NCKIPSD: variants seen among roughly 807,000 people sequenced by gnomAD.
The protein encoded by NCKIPSD is NCK interacting protein with SH3 domain, also known as NCK-interacting protein with SH3 domain.
Under a neutral mutation model 73.4 loss-of-function variants are expected in NCKIPSD, and 48 were observed. That is an observed-to-expected ratio of 0.65 (90% CI 0.52 to 0.83). NCKIPSD has a LOEUF of 0.83. Ranked by LOEUF, NCKIPSD falls within the 40% of genes least tolerant of loss-of-function variation. The probability of loss-of-function intolerance (pLI) is 0.00; values close to 1 mark genes in which losing one functional copy is unlikely to be tolerated. For synonymous variants in NCKIPSD, 422 were observed against 403.6 expected (o/e 1.05, Z -0.54); for missense variants, 884 against 970.2 (o/e 0.91, Z 1.18).
intron 12 of NCKIPSD, among the ~76,000 whole-genome samples, chr3:48,676,783 G>GCACC (rs1017060727): frequency 6.6e-6 from 1 of 151,688 alleles, no homozygotes; most frequent in African/African-American, 2.4e-5. Context: ...GTGAGCCACT[G>GCACC]CACCTGGCCA....
At chr3:48,684,033 A>G (rs923494779) in intron 1 of NCKIPSD, among the ~76,000 whole-genome samples, 18 of 142,488 alleles carry the variant, frequency 1.3e-4, no homozygotes, top group African/African-American at 3.6e-4. Flanking sequence ...GAGAGAGAGA[A>G]AGAAAGGAAT....
intron 1 of NCKIPSD, among the ~76,000 whole-genome samples, chr3:48,683,879 G>A (rs2077392772): frequency 6.6e-6 from 1 of 152,144 alleles, no homozygotes; most frequent in African/African-American, 2.4e-5. Flanking sequence ...CTTCCCTGAT[G>A]GGCACAGACA....
At chr3:48,684,128 G>T (rs773399204) in intron 1 of NCKIPSD, among the ~76,000 whole-genome samples, 1 of 152,156 alleles carries the variant, frequency 6.6e-6, no homozygotes, top group Non-Finnish European at 1.5e-5. Context: ...GCCAGAGTGT[G>T]GGGGGAGCCG....
At position 48,679,897 on chromosome 3, in the gene NCKIPSD, T is replaced by C. The variant is rs1227401005; in HGVS notation, c.1264-10A>G. 2 of 1,614,048 alleles carry C rather than the reference T, an allele frequency of 1.2e-6. No individual in the cohort carries two copies. Among genetic ancestry groups the C allele is most frequent in the South Asian group, 1.1e-5 (1 of 91,084 alleles). On this transcript the variant is annotated splice_polypyrimidine_tract_variant and intron_variant, in intron 6 of 12. Transcript: ENST00000294129. ...CAGGGTCTGCATCAGTCTACAGAAATGAGGAAGTGAGAGCATCAGCCACCA... is the reference window on the plus strand; with the variant it reads ...CAGGGTCTGCATCAGTCTACAGAAACGAGGAAGTGAGAGCATCAGCCACCA...
chr3:48,674,600 T>G lies in NCKIPSD; in HGVS notation c.2113A>C (p.Met705Leu). 1.2e-6 allele frequency: 2 copies of G among 1,610,628 alleles called. No individual in the cohort carries two copies. The highest frequency in any genetic ancestry group is 3.3e-4 in the Middle Eastern group (2 of 6,056). The change falls in exon 13 of 13, where the codon ATG becomes CTG. Residue 705 changes from methionine (M) to leucine (L), a missense_variant. Met to Leu is a conservative substitution (Grantham distance 15, BLOSUM62 2). Coordinates refer to ENST00000294129, the MANE Select transcript of NCKIPSD (RefSeq NM_016453.4). ...ETSPQCQMDR[M>L]IVREMCKEFL... is the part of the protein sequence containing the mutation. ...TCCTTGCACATCTCTCGGACAATCA[T>G]GCGGTCCATCTGGCACTGGGGTGAG...
chr3:48,680,948 C>T (rs1362934512), intron 5 of NCKIPSD, among the ~76,000 whole-genome samples: 1 of 152,174 alleles, frequency 6.6e-6, no homozygotes, highest in Admixed American at 6.5e-5. Flanking sequence ...CTCTTGGCCA[C>T]CCGCATGTCG....
Position 48,674,473 on chromosome 3 carries a change from ATTC to A in NCKIPSD, c.*68_*70del. The A allele has an allele frequency of 3.9e-6, 6 of 1,523,108 alleles. No homozygotes were observed. Among genetic ancestry groups the A allele is most frequent in the Non-Finnish European group, 5.3e-6 (6 of 1,133,266 alleles). The allele number at this position is 1,523,108 out of a possible 1,614,324, so 94.3% of individuals were successfully genotyped here. A position where few individuals can be genotyped will look rare whatever the true frequency, so the allele number is the denominator to read the frequency against. On this transcript the variant is annotated 3_prime_UTR_variant, in exon 13 of 13. Transcript: ENST00000294129. ...TCCCCTCCCACTGTCAGTGCAAAAC[ATTC>A]TTAGGGCCAAGCCCCTGAGTCCCCT...
At position 48,679,380 on chromosome 3, in the gene NCKIPSD, A is replaced by C. The variant is rs1228946297; in HGVS notation, c.1567T>G (p.Tyr523Asp). ...SMGEAVPYAH[Y>D]EHLGTPFAQF... ...TGGTCGGTTACTGCATTCTTACCAT[A>C]GTGTGCATAGGGCACTGCCTCTCCC... is the stretch of plus-strand genomic sequence containing the variant. The change falls in exon 9 of 13, where the codon TAT becomes GAT. Residue 523 changes from tyrosine to aspartate, a missense_variant. Tyr to Asp is a radical substitution (Grantham distance 160). Coordinates refer to ENST00000294129, the MANE Select transcript of NCKIPSD (RefSeq NM_016453.4). 2 of 1,613,904 alleles carry C rather than the reference A, an allele frequency of 1.2e-6. No individual in the cohort carries two copies. The highest frequency in any genetic ancestry group is 1.7e-5 in the Admixed American group (1 of 59,992).
chr3:48,680,650 CCCCAACA>C (rs1287656428), intron 5 of NCKIPSD, among the ~76,000 whole-genome samples: 1 of 152,136 alleles, frequency 6.6e-6, no homozygotes, highest in East Asian at 1.9e-4. Context: ...TTGGCCCACT[CCCCAACA>C]CCCAAACCAG....
chr3:48,682,801 A>C, intron 2 of NCKIPSD, 102 bp downstream of exon 2: 1 of 1,467,866 alleles, frequency 6.8e-7, no homozygotes, highest in Non-Finnish European at 9.2e-7. Flanking sequence ...ACCCTTGCCA[A>C]CCCTCGCATT....
intron 12 of NCKIPSD, 74 bp downstream of exon 12, chr3:48,678,490 C>CA: frequency 6.7e-7 from 1 of 1,496,160 alleles, no homozygotes; most frequent in Non-Finnish European, 8.9e-7. Flanking sequence ...CATCTCCACT[C>CA]AATGTCATGC....
At chr3:48,681,865 C>T in intron 4 of NCKIPSD, 85 bp from the exon 5 acceptor site, 1 of 1,460,590 alleles carries the variant, frequency 6.8e-7, no homozygotes, top group Non-Finnish European at 9.0e-7. Context: ...TCCCCTAACA[C>T]AGGGCCTAGT....
Position 48,679,580 on chromosome 3 carries a change from G to C in NCKIPSD, c.1484C>G (p.Thr495Arg). 6.2e-7 allele frequency: 1 copy of C among 1,614,092 alleles called. No individual in the cohort carries two copies. The highest frequency in any genetic ancestry group is 1.1e-5 in the South Asian group (1 of 91,084). Residue 495 changes from threonine (T) to arginine (R), a missense_variant, in exon 8 of 13, where the codon ACG becomes AGG. Transcript: ENST00000294129. The stretch of plus-strand genomic sequence containing the variant: ...ACCCCGCCCTCCAGCCTCACCCTGC[G>C]TGTCTGTCTGCATGTCCCTCGCCAG... ...VELARDMQTD[T>R]QDHQKLCYSA...
Position 48,681,690 on chromosome 3 carries a change from G to A in NCKIPSD, c.689C>T (p.Ser230Phe), listed in dbSNP as rs750284864. 9 of 1,593,716 alleles carry A rather than the reference G, an allele frequency of 5.6e-6. No individual in the cohort carries two copies. In the South Asian group the frequency reaches 1.0e-4, roughly 18 times the overall value. Reference protein sequence around the residue: ...STSLDTLYTSSSPSEPGSSCS... With the variant: ...STSLDTLYTSFSPSEPGSSCS... ...GCTGGAGCCTGGTTCAGATGGGCTG[G>A]AGCTGGTATAGAGCGTGTCCAGGGA... The change falls in exon 5 of 13, where the codon TCC (serine) becomes TTC (phenylalanine). Residue 230 changes from serine to phenylalanine, a missense_variant. Physicochemically the swap from Ser to Phe is radical, Grantham distance 155. Transcript: ENST00000294129.
chr3:48,680,303 G>T, intron 5 of NCKIPSD, 74 bp from the exon 6 acceptor site: 1 of 1,463,990 alleles, frequency 6.8e-7, no homozygotes, highest in Non-Finnish European at 9.1e-7. Flanking sequence ...CCAAGGCCTG[G>T]AGAGTCCATC....
rs1167654958 is a variant in NCKIPSD, at chr3:48,681,283, T to G, written c.1092+4A>C. The G allele has an allele frequency of 1.3e-6, 2 of 1,591,496 alleles. No homozygotes were observed. The highest frequency in any genetic ancestry group is 1.7e-6 in the Non-Finnish European group (2 of 1,171,510). Reference sequence around the variant, plus strand: ...GGTGGCCCTGCTGTGCCGCCCACCCTCACCTTGCCCTCTACGAGTGAGAGG... The same window carrying G: ...GGTGGCCCTGCTGTGCCGCCCACCCGCACCTTGCCCTCTACGAGTGAGAGG... On this transcript the variant is annotated splice_donor_region_variant and intron_variant, in intron 5 of 12. Transcript: ENST00000294129.
chr3:48,674,154 C>T lies in NCKIPSD; in HGVS notation c.*390G>A, dbSNP rs2077215765. ...AGAATAGAGCTGGTGGGAGATGCCT[C>T]CCCTCACCCCAGGGGCATGGCTTGC... On this transcript the variant is annotated 3_prime_UTR_variant, in exon 13 of 13. Coordinates refer to ENST00000294129, the MANE Select transcript of NCKIPSD (RefSeq NM_016453.4). 4.3e-6 allele frequency: 5 copies of T among 1,150,850 alleles called. No homozygotes were observed. Among genetic ancestry groups the T allele is most frequent in the South Asian group, 3.1e-5 (1 of 31,992 alleles). The allele number at this position is 1,150,850 out of a possible 1,614,324, so 71.3% of individuals were successfully genotyped here.
In NCKIPSD at chr3:48,685,878, G is replaced by A. The variant is rs557777424; in HGVS notation, c.-71C>T. 1,624 of 1,310,248 alleles carry A rather than the reference G, an allele frequency of 1.2e-3. 22 individuals are homozygous for A. The African/African-American group carries it at 0.023, about 18-fold the overall frequency. 81.2% of individuals were successfully genotyped at this position (1,310,248 alleles called of 1,614,324 possible). ...GCCACAACGCCAGGCCGGGAGCGCC[G>A]AGCCGCGCCGCGGTTGTCCCGCCCC... On this transcript the variant is annotated 5_prime_UTR_variant, in exon 1 of 13. Coordinates refer to ENST00000294129, the MANE Select transcript of NCKIPSD (RefSeq NM_016453.4).
Position 48,678,881 on chromosome 3 carries a change from T to C in NCKIPSD, c.1788A>G (p.Arg596=). 1 of 1,613,726 alleles carries C rather than the reference T, an allele frequency of 6.2e-7. No homozygotes were observed. The highest frequency in any genetic ancestry group is 8.5e-7 in the Non-Finnish European group (1 of 1,179,962). ...FSEKLLLLLN[R]GDDPVRIFKH... ...CGCAGATTCCCGGGCCCTCACCCCC[T>C]CTGTTCAGGAGCAACAACAGCTTCT... The change falls in exon 11 of 13, where the codon AGA becomes AGG. Residue 596 remains arginine (R), a synonymous_variant. Coordinates refer to ENST00000294129, the MANE Select transcript of NCKIPSD (RefSeq NM_016453.4).
Sources: gnomAD v4.1 joint callset for allele counts (sites outside exome capture counted in the v4.1 genomes callset) on GRCh38, gnomAD v4.1.1 for gene constraint, MANE v1.5 for transcripts, NCBI Gene and HGNC (gene_info 2026-07-23, HGNC 2026-07-21) for gene names.